Variants in SVOPL observed in about 807,000 individuals in gnomAD.
The protein encoded by SVOPL is SVOP like, also known as putative transporter SVOPL.
In SVOPL, 60 loss-of-function variants were observed where a neutral mutation model predicts 61.0. The ratio of observed to expected loss-of-function variants is 0.98; its 90% CI spans 0.80 to 1.22. The LOEUF is 1.22. SVOPL is among the 50% of genes most tolerant of loss of function. The pLI is 0.00. For missense variants in SVOPL, 662 were observed against 643.9 expected (o/e 1.03, Z -0.30); for synonymous variants, 279 against 250.0 (o/e 1.12, Z -1.09).
chr7:138,676,899 CTTTTTTTTTT>C (rs1191279496), intron 3 of SVOPL, among the ~76,000 whole-genome samples: 1 of 112,820 alleles, frequency 8.9e-6, no homozygotes, highest in Non-Finnish European at 1.7e-5. Context: ...CTTGGGGTTC[CTTTTTTTTTT>C]TTTTTTTTTT....
Position 138,596,444 on chromosome 7 carries a change from G to A in SVOPL, c.1440C>T (p.Pro480=). 6.2e-7 allele frequency: 1 copy of A among 1,613,898 alleles called. No individual in the cohort carries two copies. The highest frequency in any genetic ancestry group is 8.5e-7 in the Non-Finnish European group (1 of 1,179,908). ...GGAGGGCCCGTCCTTTGGTTTCGAT[G>A]GGGAGAGTGAATGCAGAAATGGCGC... ...VVCAISAFTL[P]IETKGRALQQ... is the part of the protein sequence containing the mutation. The change falls in exon 15 of 16, where the codon CCC becomes CCT. Residue 480 remains proline (P), a synonymous_variant. Transcript: ENST00000674285.
Position 138,595,836 on chromosome 7 carries a change from T to C in SVOPL, c.1467+581A>G, listed in dbSNP as rs563378986. 2.0e-5 allele frequency among the ~76,000 whole-genome samples: 3 copies of C among 152,286 alleles called. No individual in the cohort carries two copies. The East Asian group carries it at 5.8e-4, about 29-fold the overall frequency. On this transcript the variant is annotated intron_variant, in intron 15 of 15. Coordinates refer to ENST00000674285, the MANE Select transcript of SVOPL (RefSeq NM_001139456.2). Reference sequence around the variant, plus strand: ...AAGCCCTGCATTCACAATTACATAATAGATCACCTAATCTGATTAAAATGC... The same window carrying C: ...AAGCCCTGCATTCACAATTACATAACAGATCACCTAATCTGATTAAAATGC...
chr7:138,694,768 A>G (rs1459301143), intron 1 of SVOPL, among the ~76,000 whole-genome samples: 1 of 151,934 alleles, frequency 6.6e-6, no homozygotes, highest in African/African-American at 2.4e-5. Context: ...TTTGAGACAG[A>G]GTTTCGCTCT....
rs932470522 is a variant in SVOPL, at chr7:138,626,460, A to G, written c.1182-410T>C. ...CAGCCTTGGGTGCAGTGGCACAATC[A>G]TGGCTCACTGCAGCCTCAGCCTCTC... On this transcript the variant is annotated intron_variant, in intron 12 of 15. Transcript: ENST00000674285. 1.1e-4 allele frequency among the ~76,000 whole-genome samples: 17 copies of G among 152,180 alleles called. No homozygotes were observed. The East Asian group carries it at 3.3e-3, about 30-fold the overall frequency.
chr7:138,597,669 T>TGTGTGTGTGTGTGTGTGTGTGTGTGTG (rs1554449334), intron 14 of SVOPL, among the ~76,000 whole-genome samples: 1 of 151,582 alleles, frequency 6.6e-6, no homozygotes, highest in African/African-American at 2.4e-5. Flanking sequence ...TGTGTGTGTG[T>TGTGTGTGTGTGTGTGTGTGTGTGTGTG]TTTACTGCTG....
chr7:138,689,575 A>AC, intron 1 of SVOPL: 1 of 467,940 alleles, frequency 2.1e-6, no homozygotes, highest in Non-Finnish European at 3.8e-6. Flanking sequence ...AAAAAAAAAA[A>AC]AGGGCCAGAT....
Position 138,634,078 on chromosome 7 carries a change from G to A in SVOPL, c.790-3956C>T, listed in dbSNP as rs575089198. Reference sequence around the variant, plus strand: ...CCATGATCCTGCCAGCCCTAGCAAGGTTGTGTACTAGCAGCTTTTCTCTGT... The same window carrying A: ...CCATGATCCTGCCAGCCCTAGCAAGATTGTGTACTAGCAGCTTTTCTCTGT... On this transcript the variant is annotated intron_variant, in intron 9 of 15. Coordinates refer to ENST00000674285, the MANE Select transcript of SVOPL (RefSeq NM_001139456.2). 1.3e-3 allele frequency among the ~76,000 whole-genome samples: 198 copies of A among 152,310 alleles called. 1 individual carries two copies. Among genetic ancestry groups the A allele is most frequent in the South Asian group, 3.1e-3 (15 of 4,826 alleles).
intron 4 of SVOPL, among the ~76,000 whole-genome samples, chr7:138,665,728 C>T (rs1473371338): frequency 1.3e-5 from 2 of 152,138 alleles, no homozygotes; most frequent in Admixed American, 6.6e-5. Flanking sequence ...ATACACAAGC[C>T]AACTGGGGTA....
At chr7:138,659,805 C>T in intron 6 of SVOPL, 59 bp downstream of exon 6, 4 of 1,479,638 alleles carry the variant, frequency 2.7e-6, no homozygotes, top group Non-Finnish European at 3.7e-6. Context: ...AGTGTGTGTG[C>T]ATCAGGGCCT....
chr7:138,668,957 C>T (rs1246479605), intron 4 of SVOPL, among the ~76,000 whole-genome samples: 1 of 152,162 alleles, frequency 6.6e-6, no homozygotes, highest in African/African-American at 2.4e-5. Context: ...ATTTTGAGCA[C>T]CTGGGCTCAC....
At chr7:138,641,587 C>T (rs1800784075) in intron 9 of SVOPL, among the ~76,000 whole-genome samples, 1 of 146,762 alleles carries the variant, frequency 6.8e-6, no homozygotes, top group Admixed American at 7.1e-5. Context: ...TGGAGAATCG[C>T]TTGAACCCAG....
At chr7:138,635,262 A>C (rs1800414183) in intron 9 of SVOPL, among the ~76,000 whole-genome samples, 1 of 108,400 alleles carries the variant, frequency 9.2e-6, no homozygotes, top group Non-Finnish European at 2.0e-5. Context: ...ACAAGAGCAA[A>C]ACTGTCTCAA....
chr7:138,677,156 G>T (rs1010951713), intron 3 of SVOPL, among the ~76,000 whole-genome samples: 2 of 151,992 alleles, frequency 1.3e-5, no homozygotes, highest in African/African-American at 2.4e-5. Flanking sequence ...CGCCCGCCTC[G>T]GCCTCCCAAA....
At chr7:138,698,191 G>C (rs1803114137) in intron 1 of SVOPL, among the ~76,000 whole-genome samples, 1 of 152,128 alleles carries the variant, frequency 6.6e-6, no homozygotes, top group Admixed American at 6.6e-5. Context: ...AAGAAAGCCA[G>C]TAGTCATGGT....
At chr7:138,695,398 G>A (rs139274990) in intron 1 of SVOPL, among the ~76,000 whole-genome samples, 41 of 152,254 alleles carry the variant, frequency 2.7e-4, no homozygotes, top group East Asian at 9.7e-4. Context: ...TGTAGTCCTC[G>A]CTACCTGGGA....
chr7:138,672,076 A>G lies in SVOPL; in HGVS notation c.216T>C (p.Ser72=). Residue 72 remains serine (S), a synonymous_variant, in exon 4 of 16, where the codon TCT becomes TCC. Transcript: ENST00000674285. ...GTTGCCATTCACAGCGGATGACAGGAGACACAACAGCTATCAACATGATCT... is the reference window on the plus strand; with the variant it reads ...GTTGCCATTCACAGCGGATGACAGGGGACACAACAGCTATCAACATGATCT... ...AMEIMLIAVV[S]PVIRCEWQLE... The G allele has an allele frequency of 1.3e-6, 2 of 1,551,674 alleles. No individual in the cohort carries two copies. The highest frequency in any genetic ancestry group is 1.7e-6 in the Non-Finnish European group (2 of 1,146,994).
intron 1 of SVOPL, 148 bp downstream of exon 1, chr7:138,701,030 T>C (rs1803184436): frequency 7.4e-6 from 1 of 135,298 alleles, no homozygotes; most frequent in Non-Finnish European, 1.5e-5. Context: ...TTGTGTGTGA[T>C]GTGTGATGTA....
intron 7 of SVOPL, 52 bp downstream of exon 7, chr7:138,656,396 C>T (rs368203596): frequency 2.6e-6 from 4 of 1,567,756 alleles, no homozygotes; most frequent in Non-Finnish European, 3.5e-6. Flanking sequence ...CCTATATGTA[C>T]ATCTTATCCC....
intron 1 of SVOPL, among the ~76,000 whole-genome samples, chr7:138,692,539 A>G (rs966086735): frequency 1.3e-5 from 2 of 152,224 alleles, no homozygotes; most frequent in African/African-American, 4.8e-5. Flanking sequence ...TGTTGACTTC[A>G]TAGTCATTAT....
Sources: gnomAD v4.1 joint callset for allele counts (sites outside exome capture counted in the v4.1 genomes callset) on GRCh38, gnomAD v4.1.1 for gene constraint, MANE v1.5 for transcripts, NCBI Gene and HGNC (gene_info 2026-07-23, HGNC 2026-07-21) for gene names.